The following CCDC91 variants were observed in gnomAD, a reference collection of about 807,000 sequenced individuals.
CCDC91 encodes the protein coiled-coil domain-containing protein 91.
CCDC91 carries 48 observed loss-of-function variants against 63.2 expected under a neutral mutation model. That is an observed-to-expected ratio of 0.76 (90% confidence interval 0.60 to 0.97). CCDC91 has a LOEUF of 0.97. CCDC91 is among the 50% of genes least tolerant of loss of function. The probability of loss-of-function intolerance (pLI) is 0.00; values close to 1 mark genes in which losing one functional copy is unlikely to be tolerated. For missense variants in CCDC91, 500 were observed against 494.6 expected (o/e 1.01, Z -0.10); for synonymous variants, 167 against 165.8 (o/e 1.01, Z -0.06).
intron 12 of CCDC91, among the ~76,000 whole-genome samples, chr12:28,527,285 C>A (rs919124265): frequency 6.6e-6 from 1 of 152,128 alleles, no homozygotes. Flanking sequence ...TTATTTTGTC[C>A]CACGGGATAC....
chr12:28,315,857 A>G (rs1939805109), intron 6 of CCDC91, among the ~76,000 whole-genome samples: 1 of 151,848 alleles, frequency 6.6e-6, no homozygotes, highest in Non-Finnish European at 1.5e-5. Context: ...ACCAAGGCCA[A>G]TGATAAATAT....
chr12:28,430,735 G>T (rs1163639394), intron 8 of CCDC91, among the ~76,000 whole-genome samples: 1 of 152,026 alleles, frequency 6.6e-6, no homozygotes, highest in Non-Finnish European at 1.5e-5. Context: ...AATATTTCTA[G>T]ACATCTTTAT....
chr12:28,217,987 A>G (rs535721397), intron 1 of CCDC91, among the ~76,000 whole-genome samples: 42 of 152,036 alleles, frequency 2.8e-4, no homozygotes, highest in Non-Finnish European at 1.8e-4. Context: ...CTGTTTACCT[A>G]TTATAACTGT....
At chr12:28,193,408 C>T (rs576736925) in intron 1 of CCDC91, among the ~76,000 whole-genome samples, 1 of 152,250 alleles carries the variant, frequency 6.6e-6, no homozygotes, top group South Asian at 2.1e-4. Context: ...TGAGACCATC[C>T]TGGTCAACAT....
intron 6 of CCDC91, among the ~76,000 whole-genome samples, chr12:28,349,659 C>T (rs931706974): frequency 6.6e-6 from 1 of 152,074 alleles, no homozygotes; most frequent in African/African-American, 2.4e-5. Context: ...CATTTAGTCT[C>T]CTGTCTGGTG....
At chr12:28,392,063 G>A (rs1320049408) in intron 8 of CCDC91, among the ~76,000 whole-genome samples, 2 of 152,038 alleles carry the variant, frequency 1.3e-5, no homozygotes, top group Non-Finnish European at 2.9e-5. Context: ...ATAAAATTAG[G>A]AGTAGAATTT....
chr12:28,285,334 C>A (rs1395616760), intron 3 of CCDC91, among the ~76,000 whole-genome samples: 1 of 152,024 alleles, frequency 6.6e-6, no homozygotes, highest in Non-Finnish European at 1.5e-5. Flanking sequence ...CATTTTATCA[C>A]TATATTGAGA....
At chr12:28,209,723 A>G (rs1402990742) in intron 1 of CCDC91, among the ~76,000 whole-genome samples, 1 of 152,206 alleles carries the variant, frequency 6.6e-6, no homozygotes, top group Non-Finnish European at 1.5e-5. Context: ...GAGTTGCTAC[A>G]CCCAGCTCAA....
chr12:28,411,312 T>C (rs181709078), intron 8 of CCDC91, among the ~76,000 whole-genome samples: 4 of 152,324 alleles, frequency 2.6e-5, no homozygotes, highest in African/African-American at 7.2e-5. Context: ...TTAAAACATA[T>C]GATTTCCTTT....
At chr12:28,213,256 T>C (rs1182755162) in intron 1 of CCDC91, among the ~76,000 whole-genome samples, 3 of 152,184 alleles carry the variant, frequency 2.0e-5, no homozygotes, top group Non-Finnish European at 2.9e-5. Context: ...TCAAGACCTC[T>C]CCCCACCGAC....
At chr12:28,375,355 GATC>G (rs34760857) in intron 7 of CCDC91, among the ~76,000 whole-genome samples, 8,386 of 151,802 alleles carry the variant, frequency 0.055, 611 homozygotes, top group East Asian at 0.27. Context: ...TCTCATAGCT[GATC>G]ATTAGTTGGT....
chr12:28,531,932 C>G (rs933623926), intron 12 of CCDC91, among the ~76,000 whole-genome samples: 3 of 151,962 alleles, frequency 2.0e-5, no homozygotes, highest in African/African-American at 7.2e-5. Flanking sequence ...AAGGAAGGAG[C>G]AGGGTAATGA....
intron 1 of CCDC91, among the ~76,000 whole-genome samples, chr12:28,233,331 T>A (rs188403264): frequency 2.0e-5 from 3 of 152,322 alleles, no homozygotes; most frequent in Non-Finnish European, 4.4e-5. Flanking sequence ...TTCATATAGA[T>A]GAAATTTTAT....
intron 12 of CCDC91, among the ~76,000 whole-genome samples, chr12:28,488,716 T>C (rs1180304419): frequency 6.6e-6 from 1 of 151,850 alleles, no homozygotes; most frequent in Non-Finnish European, 1.5e-5. Flanking sequence ...ATATAACTTA[T>C]ATAATAGAGA....
rs181316944 is a variant in CCDC91 at position 28,364,280 on chromosome 12, G to A, written c.654+1765G>A. Reference sequence around the variant, plus strand: ...GCACACCTGTAATCCCAGCTACTTGGGGGAGGCTGAGGCAGGAGAATTGCT... The same window carrying A: ...GCACACCTGTAATCCCAGCTACTTGAGGGAGGCTGAGGCAGGAGAATTGCT... On this transcript the variant is annotated intron_variant, in intron 7 of 12. Coordinates refer to ENST00000536442, the MANE Select transcript of CCDC91 (RefSeq NM_018318.5). Among the ~76,000 whole-genome samples the A allele has an allele frequency of 1.5e-3, 225 of 151,876 alleles. 1 individual carries two copies. Among genetic ancestry groups the A allele is most frequent in the African/African-American group, 5.2e-3 (217 of 41,418 alleles).
At chr12:28,475,002 G>A (rs1951011051) in intron 11 of CCDC91, among the ~76,000 whole-genome samples, 1 of 151,994 alleles carries the variant, frequency 6.6e-6, no homozygotes, top group African/African-American at 2.4e-5. Flanking sequence ...GGTTACACAG[G>A]GACGTCACCA....
chr12:28,540,668 T>C (rs1231772008), intron 12 of CCDC91, among the ~76,000 whole-genome samples: 3 of 152,082 alleles, frequency 2.0e-5, no homozygotes, highest in Non-Finnish European at 4.4e-5. Flanking sequence ...AGAATAAAAA[T>C]TTGATAATAC....
intron 12 of CCDC91, among the ~76,000 whole-genome samples, chr12:28,546,714 A>G (rs1399419879): frequency 6.6e-6 from 1 of 152,092 alleles, no homozygotes; most frequent in Non-Finnish European, 1.5e-5. Context: ...TATTATAACT[A>G]TAAAATGAAA....
intron 12 of CCDC91, among the ~76,000 whole-genome samples, chr12:28,488,443 G>A (rs1329290163): frequency 6.6e-6 from 1 of 151,644 alleles, no homozygotes; most frequent in African/African-American, 2.4e-5. Flanking sequence ...CTTTTAAAAT[G>A]ATCAACCAGA....
Sources: gnomAD v4.1 joint callset for allele counts (sites outside exome capture counted in the v4.1 genomes callset) on GRCh38, gnomAD v4.1.1 for gene constraint, MANE v1.5 for transcripts, NCBI Gene and HGNC (gene_info 2026-07-23, HGNC 2026-07-21) for gene names.